ANO4: variants seen among roughly 807,000 people sequenced by gnomAD.
The protein encoded by ANO4 is anoctamin 4.
ANO4 carries 69 observed loss-of-function variants against 141.9 expected under a neutral mutation model. That is an observed-to-expected ratio of 0.49 (90% CI 0.40 to 0.59). ANO4 has a LOEUF of 0.59. Ranked by LOEUF, ANO4 falls within the 20% of genes least tolerant of loss-of-function variation. The pLI is 0.00. For synonymous variants in ANO4, 350 were observed against 394.3 expected, an observed-to-expected ratio of 0.89 and a Z score of 1.33; for missense variants, 894 against 1,162.2, an observed-to-expected ratio of 0.77 and a Z score of 3.36.
At chr12:100,997,204 C>T (rs935417934) in intron 8 of ANO4, among the ~76,000 whole-genome samples, 8 of 151,468 alleles carry the variant, frequency 5.3e-5, no homozygotes, top group African/African-American at 1.2e-4. Context: ...CGTGGTTGCG[C>T]GTGCCTTTAA....
At chr12:100,908,354 AC>A (rs1444913184) in intron 2 of ANO4, among the ~76,000 whole-genome samples, 1 of 152,224 alleles carries the variant, frequency 6.6e-6, no homozygotes, top group African/African-American at 2.4e-5. Flanking sequence ...TCTCAAAAAA[AC>A]AAAAACAAAA....
chr12:101,085,695 C>G (rs1483319957), intron 16 of ANO4, among the ~76,000 whole-genome samples: 3 of 152,092 alleles, frequency 2.0e-5, no homozygotes, highest in Non-Finnish European at 4.4e-5. Flanking sequence ...TCTCAAATGC[C>G]ATGAAATCTT....
Position 100,778,113 on chromosome 12 carries a change from G to A in ANO4, c.358+38008G>A, listed in dbSNP as rs144819257. Among the ~76,000 whole-genome samples the A allele has an allele frequency of 8.7e-3, 1,328 of 152,082 alleles. 19 individuals carry two copies. Among genetic ancestry groups the A allele is most frequent in the African/African-American group, 0.031 (1,267 of 41,496 alleles). On this transcript the variant is annotated intron_variant, in intron 3 of 29. Coordinates refer to the ANO4 transcript ENST00000644049. Reference sequence around the variant, plus strand: ...TTTTTGCATTTTTAGTAGAGATGGGGTTTCACCGTATTAGCCAGGATGGTC... The same window carrying A: ...TTTTTGCATTTTTAGTAGAGATGGGATTTCACCGTATTAGCCAGGATGGTC...
intron 3 of ANO4, among the ~76,000 whole-genome samples, chr12:100,924,410 G>A (rs1442753663): frequency 6.6e-6 from 1 of 152,104 alleles, no homozygotes; most frequent in Non-Finnish European, 1.5e-5. Context: ...AGACTGCAAT[G>A]ATGGCTGTTT....
intron 18 of ANO4, among the ~76,000 whole-genome samples, chr12:101,095,738 A>C (rs1363657814): frequency 1.3e-5 from 2 of 152,224 alleles, no homozygotes; most frequent in Non-Finnish European, 2.9e-5. Context: ...TATTAAATAC[A>C]TTTCATTAGA....
At chr12:101,103,948 T>G (rs982721259) in intron 22 of ANO4, among the ~76,000 whole-genome samples, 2 of 151,976 alleles carry the variant, frequency 1.3e-5, no homozygotes, top group African/African-American at 4.8e-5. Flanking sequence ...AGCATCTGTT[T>G]TCATAAGCTG....
intron 14 of ANO4, among the ~76,000 whole-genome samples, chr12:101,070,779 G>T (rs984298645): frequency 1.3e-5 from 2 of 152,130 alleles, no homozygotes; most frequent in Non-Finnish European, 2.9e-5. Flanking sequence ...TCTGATAAGG[G>T]ATTAATAACC....
At chr12:101,033,168 G>C (rs1307837159) in intron 9 of ANO4, among the ~76,000 whole-genome samples, 4 of 152,094 alleles carry the variant, frequency 2.6e-5, no homozygotes, top group Non-Finnish European at 5.9e-5. Context: ...TCCTTTGTAG[G>C]GACATGAATG....
At chr12:100,981,627 G>A (rs559836064) in intron 7 of ANO4, among the ~76,000 whole-genome samples, 1 of 152,172 alleles carries the variant, frequency 6.6e-6, no homozygotes, top group Admixed American at 6.5e-5. Context: ...GGAAAAGTAG[G>A]TGTCTTCAAA....
At chr12:100,978,640 T>TA (rs900008653) in intron 7 of ANO4, among the ~76,000 whole-genome samples, 22 of 152,030 alleles carry the variant, frequency 1.4e-4, no homozygotes, top group African/African-American at 5.1e-4. Context: ...CCTGGATGGA[T>TA]AAAAAAATAA....
At chr12:101,072,551 C>T (rs554377224) in intron 14 of ANO4, among the ~76,000 whole-genome samples, 2 of 152,236 alleles carry the variant, frequency 1.3e-5, no homozygotes, top group African/African-American at 2.4e-5. Context: ...ATGACTAAAA[C>T]ACCAAAAGCA....
chr12:100,809,203 A>G (rs1182815393), intron 1 of ANO4, among the ~76,000 whole-genome samples: 1 of 152,186 alleles, frequency 6.6e-6, no homozygotes, highest in Non-Finnish European at 1.5e-5. Flanking sequence ...CCTGGCCAAC[A>G]TGGCAAAACC....
chr12:100,861,543 A>G (rs1393881749), intron 1 of ANO4, among the ~76,000 whole-genome samples: 1 of 152,212 alleles, frequency 6.6e-6, no homozygotes, highest in Non-Finnish European at 1.5e-5. Context: ...GCGGAACTGG[A>G]AATTGCTCTT....
intron 6 of ANO4, among the ~76,000 whole-genome samples, chr12:100,973,881 G>A (rs970131116): frequency 2.0e-5 from 3 of 152,132 alleles, no homozygotes; most frequent in South Asian, 2.1e-4. Context: ...CTGTACCTCT[G>A]GCAACCACTG....
intron 1 of ANO4, among the ~76,000 whole-genome samples, chr12:100,832,528 G>A (rs1200310506): frequency 3.3e-5 from 5 of 152,102 alleles, no homozygotes; most frequent in Non-Finnish European, 7.4e-5. Flanking sequence ...CACCTCAGGA[G>A]TCATTCTGGT....
chr12:101,088,102 A>G (rs2049581133), intron 17 of ANO4, among the ~76,000 whole-genome samples: 1 of 152,044 alleles, frequency 6.6e-6, no homozygotes. Context: ...CAGTGGCCTC[A>G]CGGGCTTTCG....
intron 8 of ANO4, among the ~76,000 whole-genome samples, chr12:101,006,896 A>G (rs965492438): frequency 2.0e-5 from 3 of 152,190 alleles, no homozygotes; most frequent in Non-Finnish European, 4.4e-5. Context: ...TAAGTTTGTT[A>G]GTGGGTATAT....
chr12:101,112,242 G>A (rs2050691588), intron 24 of ANO4, among the ~76,000 whole-genome samples: 1 of 152,050 alleles, frequency 6.6e-6, no homozygotes, highest in Non-Finnish European at 1.5e-5. Context: ...CTTTTTCATG[G>A]GTATTGACCT....
At chr12:101,117,394 G>C (rs1471344286) in intron 25 of ANO4, among the ~76,000 whole-genome samples, 1 of 152,210 alleles carries the variant, frequency 6.6e-6, no homozygotes, top group Non-Finnish European at 1.5e-5. Context: ...CACCTACTCT[G>C]TGCCAGAAAC....
Sources: allele counts gnomAD v4.1 joint callset (sites outside exome capture counted in the v4.1 genomes callset), GRCh38; gene constraint gnomAD v4.1.1; transcripts MANE v1.5; gene names NCBI Gene and HGNC (gene_info 2026-07-23, HGNC 2026-07-21).